The following LRRC4C variants were observed in gnomAD, a reference collection of about 807,000 sequenced individuals.
The protein encoded by LRRC4C is leucine rich repeat containing 4C.
Under a neutral mutation model 33.6 loss-of-function variants are expected in LRRC4C, and 5 were observed. That is an observed-to-expected ratio of 0.15 (90% CI 0.08 to 0.31). LRRC4C has a LOEUF of 0.31. Ranked by LOEUF, LRRC4C falls within the 10% of genes least tolerant of loss-of-function variation. LRRC4C has a pLI of 1.00. For missense variants in LRRC4C, 560 were observed against 796.7 expected, an observed-to-expected ratio of 0.70 and a Z score of 3.58; for synonymous variants, 329 against 302.0, an observed-to-expected ratio of 1.09 and a Z score of -0.93.
intron 5 of LRRC4C, among the ~76,000 whole-genome samples, chr11:40,174,681 C>CATAACAAACTCCACTAT (rs1860327716): frequency 6.6e-6 from 1 of 152,118 alleles, no homozygotes; most frequent in Admixed American, 6.5e-5. Flanking sequence ...ACCATAGCAG[C>CATAACAAACTCCACTAT]AGTGTGGAGT....
chr11:40,978,949 T>C (rs1320236611), intron 1 of LRRC4C, among the ~76,000 whole-genome samples: 1 of 152,054 alleles, frequency 6.6e-6, no homozygotes, highest in Admixed American at 6.6e-5. Flanking sequence ...CCTTTTTTGA[T>C]TTCAGTTATT....
intron 2 of LRRC4C, among the ~76,000 whole-genome samples, chr11:40,738,133 T>C (rs932167009): frequency 1.3e-5 from 2 of 152,178 alleles, no homozygotes; most frequent in Non-Finnish European, 2.9e-5. Flanking sequence ...GGATTCCCTA[T>C]CTAATAAATA....
chr11:40,770,242 G>A (rs1949690449), intron 2 of LRRC4C, among the ~76,000 whole-genome samples: 1 of 152,156 alleles, frequency 6.6e-6, no homozygotes, highest in Admixed American at 6.5e-5. Flanking sequence ...GGAAAGGGAA[G>A]CAAACACATG....
At chr11:40,888,856 A>C (rs958264954) in intron 2 of LRRC4C, among the ~76,000 whole-genome samples, 1 of 151,964 alleles carries the variant, frequency 6.6e-6, no homozygotes, top group Non-Finnish European at 1.5e-5. Context: ...CTGCCAATAA[A>C]ATTTTCACAC....
At chr11:40,454,617 T>C (rs1229041035) in intron 3 of LRRC4C, among the ~76,000 whole-genome samples, 1 of 152,200 alleles carries the variant, frequency 6.6e-6, no homozygotes, top group Non-Finnish European at 1.5e-5. Context: ...GTATGAATTT[T>C]TTTTCTGATC....
At chr11:40,258,857 C>T (rs544460876) in intron 4 of LRRC4C, among the ~76,000 whole-genome samples, 3 of 152,254 alleles carry the variant, frequency 2.0e-5, no homozygotes, top group South Asian at 4.1e-4. Context: ...AATAAACCAA[C>T]GGATCTAGAA....
intron 2 of LRRC4C, among the ~76,000 whole-genome samples, chr11:40,759,882 G>T (rs532028950): frequency 6.6e-6 from 1 of 150,472 alleles, no homozygotes. Context: ...AAACCTATAT[G>T]CACTGAGAGT....
intron 2 of LRRC4C, among the ~76,000 whole-genome samples, chr11:40,909,916 A>G (rs1468511788): frequency 2.6e-5 from 4 of 152,212 alleles, no homozygotes; most frequent in Non-Finnish European, 5.9e-5. Flanking sequence ...GTCTTAGAAA[A>G]TATAATAAAC....
At chr11:40,552,385 G>T (rs1251785678) in intron 3 of LRRC4C, among the ~76,000 whole-genome samples, 5 of 152,160 alleles carry the variant, frequency 3.3e-5, no homozygotes, top group African/African-American at 7.2e-5. Context: ...AGTCCAAGTT[G>T]TCTCCTCAAC....
At chr11:41,015,409 A>C (rs1456110179) in intron 1 of LRRC4C, among the ~76,000 whole-genome samples, 1 of 152,064 alleles carries the variant, frequency 6.6e-6, no homozygotes, top group African/African-American at 2.4e-5. Flanking sequence ...GCTCACTGCA[A>C]CTTCTACCTC....
At chr11:41,410,614 G>T (rs1181227806) in intron 1 of LRRC4C, among the ~76,000 whole-genome samples, 1 of 151,626 alleles carries the variant, frequency 6.6e-6, no homozygotes, top group South Asian at 2.1e-4. Context: ...CTAATTTTTT[G>T]TATTTTTAGT....
intron 3 of LRRC4C, among the ~76,000 whole-genome samples, chr11:40,573,548 C>A (rs561722496): frequency 2.0e-5 from 3 of 152,188 alleles, no homozygotes; most frequent in South Asian, 2.1e-4. Flanking sequence ...ACATGAAAAC[C>A]TTTTCAGAAA....
At chr11:40,972,769 C>G (rs1032543634) in intron 1 of LRRC4C, among the ~76,000 whole-genome samples, 1 of 152,154 alleles carries the variant, frequency 6.6e-6, no homozygotes, top group Non-Finnish European at 1.5e-5. Context: ...GATATAATCA[C>G]TTCCCACAGG....
At chr11:40,950,022 A>AT (rs147324641) in intron 1 of LRRC4C, among the ~76,000 whole-genome samples, 2 of 151,606 alleles carry the variant, frequency 1.3e-5, no homozygotes, top group African/African-American at 2.4e-5. Context: ...TCACCTCTCA[A>AT]TTTTTTTTCA....
intron 3 of LRRC4C, among the ~76,000 whole-genome samples, chr11:40,625,615 C>G (rs1290388377): frequency 6.6e-6 from 1 of 152,104 alleles, no homozygotes; most frequent in Non-Finnish European, 1.5e-5. Flanking sequence ...CACAGCCGAA[C>G]CATATCAAGT....
chr11:40,507,533 G>A (rs1189019277), intron 3 of LRRC4C, among the ~76,000 whole-genome samples: 1 of 152,038 alleles, frequency 6.6e-6, no homozygotes, highest in African/African-American at 2.4e-5. Flanking sequence ...GGATATTTTA[G>A]AAATTTATTT....
chr11:40,757,145 C>A (rs977138970), intron 2 of LRRC4C, among the ~76,000 whole-genome samples: 30 of 152,026 alleles, frequency 2.0e-4, no homozygotes, highest in African/African-American at 7.0e-4. Flanking sequence ...CTTATTTATT[C>A]TACCTGCTTT....
At chr11:41,362,931 C>CA (rs1310169423) in intron 1 of LRRC4C, among the ~76,000 whole-genome samples, 1 of 152,114 alleles carries the variant, frequency 6.6e-6, no homozygotes, top group Non-Finnish European at 1.5e-5. Flanking sequence ...CTCCTCATCT[C>CA]AAAATCACAT....
At chr11:41,123,952 A>G (rs1432534919) in intron 1 of LRRC4C, among the ~76,000 whole-genome samples, 1 of 152,192 alleles carries the variant, frequency 6.6e-6, no homozygotes, top group Non-Finnish European at 1.5e-5. Context: ...GTTTCAGTGA[A>G]CTATTGCCAC....
Sources: gnomAD v4.1 joint callset for allele counts (sites outside exome capture counted in the v4.1 genomes callset) on GRCh38, gnomAD v4.1.1 for gene constraint, MANE v1.5 for transcripts, NCBI Gene and HGNC (gene_info 2026-07-23, HGNC 2026-07-21) for gene names.